Variants in NSMCE2 observed in about 807,000 individuals in gnomAD.
NSMCE2 encodes NSE2 SUMO ligase component of SMC5/6 complex.
A neutral mutation model predicts 23.8 loss-of-function variants in NSMCE2; 24 were observed. The ratio of observed to expected loss-of-function variants is 1.01; its 90% CI spans 0.73 to 1.42. NSMCE2 has a LOEUF of 1.42. Ranked by LOEUF, NSMCE2 falls within the 40% of genes most tolerant of loss-of-function variation. The pLI, the probability that NSMCE2 is intolerant of heterozygous loss-of-function variation, is 0.00. For missense variants in NSMCE2, 284 were observed against 296.5 expected (o/e 0.96, Z 0.31); for synonymous variants, 92 against 94.1 (o/e 0.98, Z 0.13).
intron 5 of NSMCE2, among the ~76,000 whole-genome samples, chr8:125,268,741 G>A (rs1181261216): frequency 6.6e-6 from 1 of 152,198 alleles, no homozygotes; most frequent in Non-Finnish European, 1.5e-5. Context: ...GGCCTGAGAT[G>A]GAGGAGGTGT....
At chr8:125,213,970 G>T (rs950075069) in intron 5 of NSMCE2, among the ~76,000 whole-genome samples, 5 of 152,074 alleles carry the variant, frequency 3.3e-5, no homozygotes, top group African/African-American at 4.8e-5. Flanking sequence ...TTTATATCTG[G>T]ATACTCTGTG....
At chr8:125,330,573 A>G (rs930572335) in intron 5 of NSMCE2, among the ~76,000 whole-genome samples, 2 of 152,142 alleles carry the variant, frequency 1.3e-5, no homozygotes, top group Non-Finnish European at 2.9e-5. Flanking sequence ...CCTTAGAGAA[A>G]CACAGATCTG....
chr8:125,139,674 A>G (rs1015373523), intron 3 of NSMCE2, among the ~76,000 whole-genome samples: 19 of 152,216 alleles, frequency 1.2e-4, no homozygotes, highest in East Asian at 5.8e-4. Flanking sequence ...CCAGGATTCA[A>G]TTACCTCCCA....
At chr8:125,365,667 C>G (rs1260289751) in intron 7 of NSMCE2, among the ~76,000 whole-genome samples, 1 of 151,988 alleles carries the variant, frequency 6.6e-6, no homozygotes, top group East Asian at 1.9e-4. Flanking sequence ...ACCAGCCTGG[C>G]CAACATGGTG....
At chr8:125,353,712 G>A (rs574814666) in intron 5 of NSMCE2, among the ~76,000 whole-genome samples, 387 of 151,478 alleles carry the variant, frequency 2.6e-3, no homozygotes, top group African/African-American at 8.5e-3. Flanking sequence ...GCGAAACCAC[G>A]TCTCCACTAA....
intron 5 of NSMCE2, among the ~76,000 whole-genome samples, chr8:125,215,450 A>G (rs1440672691): frequency 1.3e-5 from 2 of 151,822 alleles, no homozygotes; most frequent in African/African-American, 4.8e-5. Flanking sequence ...ATTGTTGGAC[A>G]TTTGGGTTGG....
intron 5 of NSMCE2, among the ~76,000 whole-genome samples, chr8:125,267,206 C>T (rs1182429815): frequency 6.6e-6 from 1 of 152,018 alleles, no homozygotes; most frequent in African/African-American, 2.4e-5. Flanking sequence ...CAGGGTTTCA[C>T]CGTGTTGGCC....
intron 5 of NSMCE2, among the ~76,000 whole-genome samples, chr8:125,245,893 A>G (rs2130994696): frequency 6.6e-6 from 1 of 151,968 alleles, no homozygotes; most frequent in African/African-American, 2.4e-5. Flanking sequence ...AGGTGTGGTG[A>G]GGCACCTGTA....
At chr8:125,219,512 G>T (rs1167247267) in intron 5 of NSMCE2, among the ~76,000 whole-genome samples, 1 of 152,150 alleles carries the variant, frequency 6.6e-6, no homozygotes, top group Non-Finnish European at 1.5e-5. Flanking sequence ...GAACAAGTTG[G>T]CAGCCTGTAT....
chr8:125,290,637 G>A (rs1828071953), intron 5 of NSMCE2, among the ~76,000 whole-genome samples: 1 of 152,198 alleles, frequency 6.6e-6, no homozygotes, highest in African/African-American at 2.4e-5. Flanking sequence ...AGTTGGTTGA[G>A]GCAACATAGG....
At position 125,268,571 on chromosome 8, in the gene NSMCE2, T is replaced by G. The variant is rs563288002; in HGVS notation, c.418+86315T>G. 3.3e-4 allele frequency among the ~76,000 whole-genome samples: 50 copies of G among 152,318 alleles called. No individual in the cohort carries two copies. The South Asian group carries it at 9.7e-3, about 30-fold the overall frequency. On this transcript the variant is annotated intron_variant, in intron 5 of 7. Coordinates refer to ENST00000287437, the MANE Select transcript of NSMCE2 (RefSeq NM_173685.4). ...AAAATATTCCTTAGGTTGTTGGGGA[T>G]GCAGACCTGGAATCAGAGAGAAAAA...
intron 4 of NSMCE2, among the ~76,000 whole-genome samples, chr8:125,168,400 CAA>C: frequency 6.6e-6 from 1 of 152,164 alleles, no homozygotes; most frequent in East Asian, 1.9e-4. Flanking sequence ...TTCTCAAAGA[CAA>C]ATGGACATTT....
At chr8:125,310,671 A>G (rs1292802176) in intron 5 of NSMCE2, among the ~76,000 whole-genome samples, 1 of 152,024 alleles carries the variant, frequency 6.6e-6, no homozygotes, top group Non-Finnish European at 1.5e-5. Context: ...AGCCAATACC[A>G]TTCCAATGAA....
At chr8:125,340,019 T>TTG (rs1554640797) in intron 5 of NSMCE2, among the ~76,000 whole-genome samples, 8 of 141,054 alleles carry the variant, frequency 5.7e-5, no homozygotes, top group South Asian at 2.4e-4. Flanking sequence ...TTTGTTTTTT[T>TTG]TTTTTTTTTT....
intron 5 of NSMCE2, among the ~76,000 whole-genome samples, chr8:125,344,458 T>TATATA (rs1830362368): frequency 6.6e-6 from 1 of 152,154 alleles, no homozygotes; most frequent in Non-Finnish European, 1.5e-5. Context: ...TTAAGATGAA[T>TATATA]CATGGCCGGT....
intron 3 of NSMCE2, among the ~76,000 whole-genome samples, chr8:125,143,909 C>A (rs1820517321): frequency 6.6e-6 from 1 of 152,138 alleles, no homozygotes; most frequent in African/African-American, 2.4e-5. Context: ...GTGTTTGGTT[C>A]TTTTCTGGAG....
intron 5 of NSMCE2, among the ~76,000 whole-genome samples, chr8:125,307,409 G>A (rs552195769): frequency 7.2e-5 from 11 of 152,352 alleles, no homozygotes; most frequent in African/African-American, 1.2e-4. Flanking sequence ...AGATCAGAAA[G>A]GGAATGTGAT....
intron 4 of NSMCE2, among the ~76,000 whole-genome samples, chr8:125,171,678 C>T (rs1300577417): frequency 6.6e-6 from 1 of 152,144 alleles, no homozygotes; most frequent in Non-Finnish European, 1.5e-5. Context: ...TCTCTTCTAC[C>T]AGATTTTGTC....
chr8:125,124,834 G>A lies in NSMCE2; in HGVS notation c.157+22347G>A, dbSNP rs529732207. 3.1e-3 allele frequency among the ~76,000 whole-genome samples: 470 copies of A among 151,874 alleles called. 3 individuals are homozygous for A. The highest frequency in any genetic ancestry group is 0.011 in the African/African-American group (452 of 41,400). On this transcript the variant is annotated intron_variant, in intron 3 of 7. Coordinates refer to ENST00000287437, the MANE Select transcript of NSMCE2 (RefSeq NM_173685.4). ...TTTTGAGACAGAGTCTTACTCTTTT[G>A]CCCAGCCTGGGGTGCAGTGGTGTGA...
Sources: allele counts gnomAD v4.1 joint callset (sites outside exome capture counted in the v4.1 genomes callset), GRCh38; gene constraint gnomAD v4.1.1; transcripts MANE v1.5; gene names NCBI Gene and HGNC (gene_info 2026-07-23, HGNC 2026-07-21).